Variants in PELI2 observed in about 807,000 individuals in gnomAD.
PELI2 encodes the protein pellino E3 ubiquitin protein ligase family member 2.
A neutral mutation model predicts 42.3 loss-of-function variants in PELI2; 23 were observed. That is an observed-to-expected ratio of 0.54 (90% CI 0.39 to 0.77). The LOEUF (loss-of-function observed/expected upper bound fraction) is 0.77. PELI2 is among the 30% of genes least tolerant of loss of function. The pLI is 0.00. For missense variants in PELI2, 463 were observed against 553.2 expected (o/e 0.84, Z 1.64); for synonymous variants, 245 against 212.2 (o/e 1.15, Z -1.34).
At chr14:56,267,471 G>C (rs1888948245) in intron 2 of PELI2, among the ~76,000 whole-genome samples, 1 of 152,102 alleles carries the variant, frequency 6.6e-6, no homozygotes, top group South Asian at 2.1e-4. Context: ...AAAAACATTT[G>C]TGAATGGCAT....
intron 1 of PELI2, among the ~76,000 whole-genome samples, chr14:56,177,845 G>A (rs976118905): frequency 4.6e-5 from 7 of 152,210 alleles, no homozygotes; most frequent in African/African-American, 1.4e-4. Context: ...TTTTAAGAAA[G>A]CAAGTAACTA....
intron 1 of PELI2, among the ~76,000 whole-genome samples, chr14:56,141,411 C>G (rs367917031): frequency 6.6e-6 from 1 of 152,182 alleles, no homozygotes; most frequent in East Asian, 1.9e-4. Flanking sequence ...GGCAACTAAA[C>G]ATCTTTTCGT....
chr14:56,200,475 C>T (rs978865501), intron 2 of PELI2, among the ~76,000 whole-genome samples: 6 of 152,188 alleles, frequency 3.9e-5, no homozygotes, highest in African/African-American at 1.4e-4. Context: ...CCGGAGCTTC[C>T]TTTCATAACT....
chr14:56,289,401 A>G (rs12885283), intron 4 of PELI2, among the ~76,000 whole-genome samples: 61,242 of 151,868 alleles, frequency 0.4, 13,043 homozygotes, highest in South Asian at 0.52. Flanking sequence ...GTCCCCTGCC[A>G]CATGACAACT....
chr14:56,139,835 G>A (rs1369415105), intron 1 of PELI2, among the ~76,000 whole-genome samples: 1 of 151,646 alleles, frequency 6.6e-6, no homozygotes, highest in African/African-American at 2.4e-5. Flanking sequence ...TTTATAGCTG[G>A]TAAAATTCAG....
At chr14:56,154,452 G>A (rs904216906) in intron 1 of PELI2, among the ~76,000 whole-genome samples, 3 of 152,146 alleles carry the variant, frequency 2.0e-5, no homozygotes, top group African/African-American at 7.2e-5. Context: ...GAGCTCTCAC[G>A]AGATCTGTTG....
intron 5 of PELI2, among the ~76,000 whole-genome samples, chr14:56,293,721 A>G (rs899856041): frequency 2.0e-5 from 3 of 152,146 alleles, no homozygotes; most frequent in African/African-American, 7.2e-5. Flanking sequence ...AGTCATGAGA[A>G]GGTACCGAAG....
chr14:56,163,641 T>C (rs1884846593), intron 1 of PELI2, among the ~76,000 whole-genome samples: 1 of 152,280 alleles, frequency 6.6e-6, no homozygotes, highest in South Asian at 2.1e-4. Context: ...AGGGATTTCA[T>C]TGAATCTGTA....
Position 56,290,407 on chromosome 14 carries a change from A to G in PELI2, c.647A>G (p.Asp216Gly), listed in dbSNP as rs756837864. 5 of 1,612,688 alleles carry G rather than the reference A, an allele frequency of 3.1e-6. No individual in the cohort carries two copies. Among genetic ancestry groups the G allele is most frequent in the East Asian group, 2.2e-5 (1 of 44,848 alleles). Reference protein sequence around the residue: ...GVWREISVCGDVYTLRETRSA... With the variant: ...GVWREISVCGGVYTLRETRSA... Reference sequence around the variant, plus strand: ...TGGCGCGAGATCTCTGTCTGTGGAGATGTGTACACCTTGCGAGAAACCAGG... The same window carrying G: ...TGGCGCGAGATCTCTGTCTGTGGAGGTGTGTACACCTTGCGAGAAACCAGG... Residue 216 changes from aspartate to glycine, a missense_variant, in exon 5 of 6, where the codon GAT becomes GGT. Physicochemically the swap from Asp to Gly is moderately conservative, Grantham distance 94. This residue lies in a region of PELI2 where 343 missense variants were observed against 378.4 expected (regional missense o/e 0.91). Transcript: ENST00000267460.
chr14:56,133,949 G>A (rs537932713), intron 1 of PELI2, among the ~76,000 whole-genome samples: 29 of 152,264 alleles, frequency 1.9e-4, no homozygotes, highest in Admixed American at 1.8e-3. Flanking sequence ...TCTTTTTGCT[G>A]TACCCTGCTG....
intron 1 of PELI2, among the ~76,000 whole-genome samples, chr14:56,166,860 G>A (rs1181820375): frequency 1.3e-5 from 2 of 151,982 alleles, no homozygotes; most frequent in African/African-American, 2.4e-5. Context: ...CGATCTCAGC[G>A]CACTGCAAGC....
intron 2 of PELI2, among the ~76,000 whole-genome samples, chr14:56,218,700 T>G (rs910082684): frequency 6.6e-6 from 1 of 151,630 alleles, no homozygotes; most frequent in Non-Finnish European, 1.5e-5. Flanking sequence ...CGCACATGTG[T>G]GCGTGTGTGT....
intron 1 of PELI2, among the ~76,000 whole-genome samples, chr14:56,174,969 C>T (rs1450317622): frequency 6.6e-6 from 1 of 152,130 alleles, no homozygotes; most frequent in Non-Finnish European, 1.5e-5. Flanking sequence ...CCCCTTCATT[C>T]TCCATTTAGA....
At chr14:56,131,012 TTGCC>T (rs1422285468) in intron 1 of PELI2, among the ~76,000 whole-genome samples, 1 of 152,232 alleles carries the variant, frequency 6.6e-6, no homozygotes, top group East Asian at 1.9e-4. Context: ...AGGTCTATCT[TTGCC>T]TGGGACTAAC....
intron 2 of PELI2, among the ~76,000 whole-genome samples, chr14:56,266,440 G>C (rs1007799388): frequency 1.3e-5 from 2 of 151,688 alleles, no homozygotes; most frequent in African/African-American, 4.8e-5. Flanking sequence ...TTGAGCAAAG[G>C]GTATAAGCTG....
intron 5 of PELI2, among the ~76,000 whole-genome samples, chr14:56,294,320 T>C (rs1165318691): frequency 6.6e-6 from 1 of 152,170 alleles, no homozygotes; most frequent in Non-Finnish European, 1.5e-5. Flanking sequence ...AGGTTGCTCT[T>C]GCACCTGCCT....
At chr14:56,266,174 A>G (rs1888896282) in intron 2 of PELI2, among the ~76,000 whole-genome samples, 1 of 152,086 alleles carries the variant, frequency 6.6e-6, no homozygotes, top group South Asian at 2.1e-4. Flanking sequence ...AGAAAAATGG[A>G]GAATTCTTCA....
chr14:56,202,733 T>C (rs1886374207), intron 2 of PELI2, among the ~76,000 whole-genome samples: 1 of 152,136 alleles, frequency 6.6e-6, no homozygotes, highest in South Asian at 2.1e-4. Flanking sequence ...TGTTCTGCAG[T>C]GGTGGGAAGT....
chr14:56,131,276 T>C (rs1883472524), intron 1 of PELI2, among the ~76,000 whole-genome samples: 1 of 152,216 alleles, frequency 6.6e-6, no homozygotes, highest in Non-Finnish European at 1.5e-5. Flanking sequence ...ACTCAGTTGA[T>C]TTAGACCCTT....
Sources: allele counts gnomAD v4.1 joint callset (sites outside exome capture counted in the v4.1 genomes callset), GRCh38; gene constraint gnomAD v4.1.1; regional missense constraint gnomAD v4.1.1; transcripts MANE v1.5; gene names NCBI Gene and HGNC (gene_info 2026-07-23, HGNC 2026-07-21).